Variants in PI4K2A observed in about 807,000 individuals in gnomAD.
PI4K2A encodes the protein phosphatidylinositol 4-kinase type 2 alpha.
Under a neutral mutation model 55.0 loss-of-function variants are expected in PI4K2A, and 20 were observed. The ratio of observed to expected loss-of-function variants is 0.36; its 90% CI spans 0.26 to 0.53. The LOEUF (loss-of-function observed/expected upper bound fraction) is 0.53, where lower values mean the gene tolerates loss of function less well. Among genes scored for constraint, PI4K2A ranks in the 20% least tolerant of loss-of-function variants. The pLI is 0.91. For missense variants in PI4K2A, 463 were observed against 637.1 expected (o/e 0.73, Z 2.94); for synonymous variants, 235 against 258.5 (o/e 0.91, Z 0.87).
intron 2 of PI4K2A, among the ~76,000 whole-genome samples, chr10:97,654,801 T>C (rs2041544574): frequency 8.4e-6 from 1 of 119,572 alleles, no homozygotes; most frequent in Non-Finnish European, 1.7e-5. Context: ...ATTACGTCAC[T>C]GCAATTTGAC....
At chr10:97,660,780 T>C (rs920057794) in intron 4 of PI4K2A, among the ~76,000 whole-genome samples, 18 of 152,122 alleles carry the variant, frequency 1.2e-4, no homozygotes, top group African/African-American at 4.3e-4. Flanking sequence ...CTCTGACCCA[T>C]AGTTTACTTA....
chr10:97,643,809 C>T (rs2135751652), intron 1 of PI4K2A, among the ~76,000 whole-genome samples: 1 of 152,348 alleles, frequency 6.6e-6, no homozygotes, highest in Admixed American at 6.5e-5. Context: ...TAAACAAATA[C>T]TTACATAGCA....
chr10:97,665,462 C>T lies in PI4K2A; in HGVS notation c.1084+478C>T, dbSNP rs1405490623. On this transcript the variant is annotated intron_variant, in intron 6 of 8. Transcript: ENST00000370631. Reference sequence around the variant, plus strand: ...GCTAATTTTGTATTTTTAGTAGAGACGGGGTTTCACCATGTTGGCCAGGCT... The same window carrying T: ...GCTAATTTTGTATTTTTAGTAGAGATGGGGTTTCACCATGTTGGCCAGGCT... 6.6e-5 allele frequency among the ~76,000 whole-genome samples: 10 copies of T among 151,714 alleles called. No homozygotes were observed. In the Middle Eastern group the frequency reaches 0.01, roughly 157 times the overall value.
intron 2 of PI4K2A, among the ~76,000 whole-genome samples, chr10:97,652,475 A>G (rs1000590494): frequency 4.7e-5 from 7 of 149,018 alleles, no homozygotes; most frequent in African/African-American, 1.7e-4. Flanking sequence ...TTTTTTTTTA[A>G]TTTTTTGTAG....
chr10:97,676,122 A>G (rs1288148428), exon 9 of PI4K2A: 1 of 152,262 alleles, frequency 6.6e-6, no homozygotes, highest in Non-Finnish European at 1.5e-5. Context: ...GGGCAAAGAA[A>G]CCTGTGTTTC....
At chr10:97,655,954 C>T (rs2041552419) in intron 2 of PI4K2A, among the ~76,000 whole-genome samples, 1 of 152,162 alleles carries the variant, frequency 6.6e-6, no homozygotes. Context: ...CATGTAGTTA[C>T]AAGGTATCCG....
At chr10:97,643,745 T>A (rs1401690701) in intron 1 of PI4K2A, among the ~76,000 whole-genome samples, 2 of 152,234 alleles carry the variant, frequency 1.3e-5, no homozygotes, top group Non-Finnish European at 2.9e-5. Flanking sequence ...GCCCACAGAC[T>A]TACTGTAGTT....
chr10:97,673,381 A>T (rs2041646065), intron 8 of PI4K2A, among the ~76,000 whole-genome samples, 200 bp from the exon 9 acceptor site: 1 of 152,102 alleles, frequency 6.6e-6, no homozygotes, highest in African/African-American at 2.4e-5. Context: ...ATTTGTTTTC[A>T]TTTGTATTTT....
At chr10:97,667,218 C>CTT in intron 8 of PI4K2A, 98 bp downstream of exon 8, 8 of 729,974 alleles carry the variant, frequency 1.1e-5, no homozygotes, top group Admixed American at 4.7e-5. Context: ...ATACCCCCCC[C>CTT]TTTTTTTTTG....
rs770009660 is a variant in PI4K2A, at chr10:97,640,786, C to T, written c.44C>T (p.Pro15Leu). The stretch of plus-strand genomic sequence containing the variant: ...CTAGTGTCCCCCGAGCGGGCCCAAC[C>T]CCCGGACTACACCTTCCCGTCGGGC... The change falls in exon 1 of 9, where the codon CCC becomes CTC. Residue 15 changes from proline to leucine, a missense_variant. Transcript: ENST00000370631. 6 of 1,511,292 alleles carry T rather than the reference C, an allele frequency of 4.0e-6. No homozygotes were observed. Among genetic ancestry groups the T allele is most frequent in the African/African-American group, 1.4e-5 (1 of 69,630 alleles). 93.6% of individuals were successfully genotyped at this position (1,511,292 alleles called of 1,614,324 possible).
Position 97,656,706 on chromosome 10 carries a change from T to G in PI4K2A, c.769-115T>G. ...ATGAGGAAGTAAAGATCTTGAAAAGTTTTCCTTCTCTGATACAAACTCCAT... is the reference window on the plus strand; with the variant it reads ...ATGAGGAAGTAAAGATCTTGAAAAGGTTTCCTTCTCTGATACAAACTCCAT... On this transcript the variant is annotated intron_variant, in intron 3 of 8. Coordinates refer to ENST00000370631, the Ensembl canonical transcript of PI4K2A. The surrounding 1 kb of genome is among the most constrained non-coding windows in gnomAD (Gnocchi z 4.5). The G allele has an allele frequency of 1.1e-6, 1 of 944,746 alleles. No homozygotes were observed. The highest frequency in any genetic ancestry group is 1.6e-5 in the South Asian group (1 of 62,470). 58.5% of individuals were successfully genotyped at this position (944,746 alleles called of 1,614,324 possible). A position where few individuals can be genotyped will look rare whatever the true frequency, so the allele number is the denominator to read the frequency against.
At position 97,656,915 on chromosome 10, in the gene PI4K2A, G is replaced by A; in HGVS notation, c.863G>A (p.Arg288Gln). The change falls in exon 4 of 9, where the codon CGG becomes CAG. Residue 288 changes from arginine (R) to glutamine (Q), a missense_variant. Around this residue, in one of 2 missense-constraint regions of PI4K2A, gnomAD observed 277 missense variants for 432.6 expected, o/e 0.64. Transcript: ENST00000370631. This position sits in a 1 kb window ranked among gnomAD's most constrained non-coding sequence, Gnocchi z 4.5. The stretch of plus-strand genomic sequence containing the variant: ...GAACCTCTTCCTGAGAACACTAACC[G>A]GCAACTACTGCTCCAGTTTGAGCGG... 7 of 1,614,084 alleles carry A rather than the reference G, an allele frequency of 4.3e-6. No homozygotes were observed. Among genetic ancestry groups the A allele is most frequent in the Non-Finnish European group, 5.1e-6 (6 of 1,179,996 alleles).
chr10:97,673,854 T>G (rs1257306776), exon 9 of PI4K2A: 3 of 906,634 alleles, frequency 3.3e-6, no homozygotes, highest in Non-Finnish European at 5.1e-6. Flanking sequence ...TTAAGAGCCC[T>G]CTCTCTCTGC....
intron 8 of PI4K2A, among the ~76,000 whole-genome samples, chr10:97,671,588 A>T (rs1191630236): frequency 1.3e-5 from 2 of 152,206 alleles, no homozygotes; most frequent in Non-Finnish European, 2.9e-5. Context: ...ATGAAGAGAT[A>T]GTGTTAGAAG....
chr10:97,662,822 C>T (rs1022710681), intron 4 of PI4K2A, 85 bp from the exon 5 acceptor site: 31 of 826,862 alleles, frequency 3.7e-5, no homozygotes, highest in East Asian at 2.4e-4. Flanking sequence ...AGCGTTAGTC[C>T]GAGTGTCCAG....
At chr10:97,647,793 T>C (rs2041512442) in intron 1 of PI4K2A, among the ~76,000 whole-genome samples, 1 of 151,702 alleles carries the variant, frequency 6.6e-6, no homozygotes, top group Non-Finnish European at 1.5e-5. Context: ...CCATAATTAC[T>C]CATGCTTTTG....
At chr10:97,662,069 G>C (rs1437065976) in intron 4 of PI4K2A, among the ~76,000 whole-genome samples, 2 of 151,848 alleles carry the variant, frequency 1.3e-5, no homozygotes, top group Non-Finnish European at 2.9e-5. Flanking sequence ...TGCCCAGGCT[G>C]GTCTTGAACT....
intron 2 of PI4K2A, among the ~76,000 whole-genome samples, chr10:97,655,609 G>A (rs1171870574): frequency 6.6e-6 from 1 of 151,804 alleles, no homozygotes; most frequent in Non-Finnish European, 1.5e-5. Context: ...GTCTCCCTCT[G>A]TCACCCAGGA....
chr10:97,659,268 A>G (rs186521872), intron 4 of PI4K2A, among the ~76,000 whole-genome samples: 50 of 151,894 alleles, frequency 3.3e-4, no homozygotes, highest in African/African-American at 1.2e-3. Flanking sequence ...TCCTGGGCTC[A>G]AGCAGTCCTC....
Sources: gnomAD v4.1 joint callset for allele counts (sites outside exome capture counted in the v4.1 genomes callset) on GRCh38, gnomAD v4.1.1 for gene constraint, gnomAD v4.1.1 regional missense constraint, Gnocchi (gnomAD v3.1) non-coding constraint, MANE v1.5 for transcripts, NCBI Gene and HGNC (gene_info 2026-07-23, HGNC 2026-07-21) for gene names.